The following PDE3A variants were observed in gnomAD, a reference collection of about 807,000 sequenced individuals.
PDE3A encodes cGMP-inhibited 3',5'-cyclic phosphodiesterase 3A.
In PDE3A, 43 loss-of-function variants were observed where a neutral mutation model predicts 98.3. The observed-to-expected ratio is 0.44, with a 90% CI of 0.34 to 0.56. The LOEUF is 0.56. PDE3A is among the 20% of genes least tolerant of loss of function. The pLI is 0.01. For missense variants in PDE3A, 1,427 were observed against 1,440.7 expected, an observed-to-expected ratio of 0.99 and a Z score of 0.15; for synonymous variants, 663 against 567.9, an observed-to-expected ratio of 1.17 and a Z score of -2.38.
At chr12:20,420,530 T>G (rs1433430518) in intron 1 of PDE3A, among the ~76,000 whole-genome samples, 1 of 152,096 alleles carries the variant, frequency 6.6e-6, no homozygotes, top group African/African-American at 2.4e-5. Context: ...AGAGTTAAGT[T>G]GGGGCAGGAA....
intron 1 of PDE3A, among the ~76,000 whole-genome samples, chr12:20,514,500 TA>T (rs1177007051): frequency 6.6e-6 from 1 of 152,216 alleles, no homozygotes; most frequent in African/African-American, 2.4e-5. Context: ...TTATCATTTC[TA>T]AAAGAACAGA....
chr12:20,637,773 A>G (rs879599199), intron 9 of PDE3A, among the ~76,000 whole-genome samples: 4 of 152,154 alleles, frequency 2.6e-5, no homozygotes, highest in African/African-American at 7.2e-5. Flanking sequence ...TGTTTTCTTT[A>G]GGCTAGACTA....
chr12:20,653,583 C>T (rs1014763252), intron 14 of PDE3A, among the ~76,000 whole-genome samples: 9 of 152,066 alleles, frequency 5.9e-5, no homozygotes, highest in African/African-American at 1.2e-4. Context: ...AGGCTGGTCT[C>T]GATTTGCCCA....
intron 2 of PDE3A, among the ~76,000 whole-genome samples, chr12:20,568,418 T>C (rs191974781): frequency 6.6e-6 from 1 of 152,142 alleles, no homozygotes; most frequent in African/African-American, 2.4e-5. Flanking sequence ...AAAGACATTC[T>C]ATGTTCGTCA....
intron 2 of PDE3A, among the ~76,000 whole-genome samples, chr12:20,574,431 A>T (rs1942879200): frequency 6.6e-6 from 1 of 152,236 alleles, no homozygotes; most frequent in African/African-American, 2.4e-5. Flanking sequence ...GACCTTAATG[A>T]GATATTTAAC....
intron 15 of PDE3A, among the ~76,000 whole-genome samples, chr12:20,676,836 G>A (rs1028990083): frequency 2.6e-5 from 4 of 152,022 alleles, no homozygotes; most frequent in East Asian, 1.9e-4. Flanking sequence ...AATGCACCAC[G>A]GGGAGGACCT....
At position 20,369,758 on chromosome 12, in the gene PDE3A, T is replaced by A. The variant is rs1401607468; in HGVS notation, c.474T>A (p.Pro158=). ...TCCTGCGCGCCGGGGTGCGCCTGCC[T>A]CTGGCTGTCGCGCTGCTGGCCGCCT... ...LYLLRAGVRL[P]LAVALLAACC... is the part of the protein sequence containing the mutation. Residue 158 remains proline, a synonymous_variant, in exon 1 of 16, where the codon CCT becomes CCA. Coordinates refer to ENST00000359062, the MANE Select transcript of PDE3A (RefSeq NM_000921.5). 1 of 1,612,606 alleles carries A rather than the reference T, an allele frequency of 6.2e-7. No homozygotes were observed. Among genetic ancestry groups the A allele is most frequent in the Non-Finnish European group, 8.5e-7 (1 of 1,179,764 alleles).
At chr12:20,415,002 ATAAACT>A (rs1285231350) in intron 1 of PDE3A, among the ~76,000 whole-genome samples, 1 of 145,158 alleles carries the variant, frequency 6.9e-6, no homozygotes, top group African/African-American at 2.5e-5. Flanking sequence ...AGGATTGCTG[ATAAACT>A]TAATAGCACA....
intron 1 of PDE3A, among the ~76,000 whole-genome samples, chr12:20,416,844 A>C (rs1016170404): frequency 1.3e-5 from 2 of 152,174 alleles, no homozygotes; most frequent in Admixed American, 6.5e-5. Flanking sequence ...TTTAGAAGGA[A>C]CTTCCTTTAG....
chr12:20,408,023 A>C (rs1402357557), intron 1 of PDE3A, among the ~76,000 whole-genome samples: 1 of 151,984 alleles, frequency 6.6e-6, no homozygotes, highest in African/African-American at 2.4e-5. Flanking sequence ...TCCTGGGTTG[A>C]AGCAATTCTG....
intron 1 of PDE3A, among the ~76,000 whole-genome samples, chr12:20,524,248 G>A (rs909962602): frequency 3.9e-5 from 6 of 152,142 alleles, no homozygotes; most frequent in Non-Finnish European, 7.3e-5. Context: ...TAGCAGTTGC[G>A]GCTGCATTTA....
chr12:20,480,464 A>G (rs762265389), intron 1 of PDE3A, among the ~76,000 whole-genome samples: 2 of 152,236 alleles, frequency 1.3e-5, no homozygotes, highest in Non-Finnish European at 2.9e-5. Context: ...AAAGCATTGT[A>G]TAATTTAACA....
At chr12:20,386,229 A>AT (rs1555140982) in intron 1 of PDE3A, among the ~76,000 whole-genome samples, 1 of 108,524 alleles carries the variant, frequency 9.2e-6, no homozygotes, top group Non-Finnish European at 1.7e-5. Flanking sequence ...ATAAAAAATA[A>AT]AAATATAAAT....
At chr12:20,516,959 G>A (rs1453468336) in intron 1 of PDE3A, among the ~76,000 whole-genome samples, 1 of 152,170 alleles carries the variant, frequency 6.6e-6, no homozygotes, top group Non-Finnish European at 1.5e-5. Context: ...AGCAGGAAGA[G>A]CATCTTGTTT....
intron 1 of PDE3A, among the ~76,000 whole-genome samples, chr12:20,501,677 G>A (rs1946027942): frequency 6.6e-6 from 1 of 152,096 alleles, no homozygotes; most frequent in Admixed American, 6.6e-5. Flanking sequence ...TATAAAAAAT[G>A]AAGCTATTTT....
intron 1 of PDE3A, among the ~76,000 whole-genome samples, chr12:20,556,193 T>G (rs894545026): frequency 2.6e-5 from 4 of 152,196 alleles, no homozygotes; most frequent in African/African-American, 9.6e-5. Context: ...TCATATTAAA[T>G]ATTTAATAAT....
chr12:20,664,971 T>C (rs1259412775), intron 15 of PDE3A, among the ~76,000 whole-genome samples: 1 of 152,158 alleles, frequency 6.6e-6, no homozygotes, highest in African/African-American at 2.4e-5. Flanking sequence ...CTACCTCTAA[T>C]CAGTTGCCAA....
At chr12:20,551,160 T>C (rs1942187724) in intron 1 of PDE3A, among the ~76,000 whole-genome samples, 1 of 152,028 alleles carries the variant, frequency 6.6e-6, no homozygotes, top group African/African-American at 2.4e-5. Context: ...ATTGAATTTC[T>C]TTTACTTCCA....
chr12:20,457,434 T>G (rs1313878203), intron 1 of PDE3A, among the ~76,000 whole-genome samples: 11 of 151,848 alleles, frequency 7.2e-5, no homozygotes, highest in Non-Finnish European at 1.3e-4. Flanking sequence ...GAAATAAAAT[T>G]TATACATATA....
Sources: allele counts gnomAD v4.1 joint callset (sites outside exome capture counted in the v4.1 genomes callset), GRCh38; gene constraint gnomAD v4.1.1; transcripts MANE v1.5; gene names NCBI Gene and HGNC (gene_info 2026-07-23, HGNC 2026-07-21).